GRM7: variants seen among roughly 807,000 people sequenced by gnomAD.
GRM7 encodes glutamate metabotropic receptor 7.
GRM7 carries 35 observed loss-of-function variants against 84.5 expected under a neutral mutation model. That is an observed-to-expected ratio of 0.41 (90% CI 0.32 to 0.55). GRM7 has a LOEUF of 0.55. Ranked by LOEUF, GRM7 falls within the 20% of genes least tolerant of loss-of-function variation. The probability of loss-of-function intolerance (pLI) is 0.19; values close to 1 mark genes in which losing one functional copy is unlikely to be tolerated. For synonymous variants in GRM7, 487 were observed against 455.1 expected (o/e 1.07, Z -0.89); for missense variants, 1,003 against 1,194.6 (o/e 0.84, Z 2.36).
At chr3:7,489,320 C>G (rs1228323679) in intron 7 of GRM7, among the ~76,000 whole-genome samples, 2 of 152,160 alleles carry the variant, frequency 1.3e-5, no homozygotes, top group East Asian at 3.9e-4. Flanking sequence ...ACTGATATCA[C>G]CATATGTTGA....
intron 2 of GRM7, among the ~76,000 whole-genome samples, chr3:7,289,929 G>T (rs541794471): frequency 1.3e-4 from 20 of 151,846 alleles, no homozygotes; most frequent in African/African-American, 4.3e-4. Flanking sequence ...AATGGGTGCA[G>T]CACACCAACA....
chr3:7,084,965 C>T (rs1320814572), intron 1 of GRM7, among the ~76,000 whole-genome samples: 1 of 152,068 alleles, frequency 6.6e-6, no homozygotes, highest in East Asian at 1.9e-4. Flanking sequence ...TTTTAATGAG[C>T]CCAGAAATTA....
rs565486161 is a variant in GRM7, at chr3:6,960,354, G to A, written c.519+98447G>A. The stretch of plus-strand genomic sequence containing the variant: ...ATGACATCACTTTAGCACCTTTGAA[G>A]CCCACTAATCAATGTATATAACCAA... On this transcript the variant is annotated intron_variant, in intron 1 of 9. Coordinates refer to ENST00000357716, the MANE Select transcript of GRM7 (RefSeq NM_000844.4). 7.2e-5 allele frequency among the ~76,000 whole-genome samples: 11 copies of A among 152,180 alleles called. No homozygotes were observed. The East Asian group carries it at 1.9e-3, about 27-fold the overall frequency.
At chr3:7,489,953 T>C (rs1364987700) in intron 7 of GRM7, among the ~76,000 whole-genome samples, 4 of 151,772 alleles carry the variant, frequency 2.6e-5, no homozygotes, top group African/African-American at 9.7e-5. Context: ...TACTCCATAT[T>C]ATTAATTAAA....
intron 8 of GRM7, among the ~76,000 whole-genome samples, chr3:7,615,363 ACTTAT>A (rs2125083283): frequency 6.6e-6 from 1 of 151,666 alleles, no homozygotes; most frequent in Non-Finnish European, 1.5e-5. Flanking sequence ...AAAATGGCTT[ACTTAT>A]TTTTCCCTTA....
intron 2 of GRM7, among the ~76,000 whole-genome samples, chr3:7,185,583 C>T (rs1191205909): frequency 1.3e-5 from 2 of 152,088 alleles, no homozygotes; most frequent in Admixed American, 6.6e-5. Context: ...TAGTGATGTT[C>T]AATATTAGAT....
At chr3:7,681,108 G>A (rs1444177007) in intron 9 of GRM7, 1 of 152,128 alleles carries the variant, frequency 6.6e-6, no homozygotes, top group Non-Finnish European at 1.5e-5. Flanking sequence ...ACAATATGGT[G>A]GTAAGAGTAA....
intron 4 of GRM7, among the ~76,000 whole-genome samples, chr3:7,332,581 G>C (rs1701249751): frequency 6.6e-6 from 1 of 152,106 alleles, no homozygotes; most frequent in African/African-American, 2.4e-5. Flanking sequence ...TTGAGTTAAA[G>C]ACATGTTTCT....
chr3:7,194,360 A>G (rs1264629008), intron 2 of GRM7, among the ~76,000 whole-genome samples: 1 of 152,194 alleles, frequency 6.6e-6, no homozygotes, highest in African/African-American at 2.4e-5. Flanking sequence ...GGTGAAGCAT[A>G]CAGTGTGTTA....
chr3:6,932,313 G>T (rs1444157738), intron 1 of GRM7, among the ~76,000 whole-genome samples: 1 of 152,066 alleles, frequency 6.6e-6, no homozygotes, highest in East Asian at 1.9e-4. Context: ...ATCCTGCTTT[G>T]TACTTGATAT....
chr3:7,704,700 A>T (rs1365484110), intron 9 of GRM7, among the ~76,000 whole-genome samples: 1 of 152,188 alleles, frequency 6.6e-6, no homozygotes, highest in South Asian at 2.1e-4. Flanking sequence ...ATATACGTGA[A>T]CACAAATATA....
chr3:7,061,128 C>T (rs1361261878), intron 1 of GRM7, among the ~76,000 whole-genome samples: 4 of 151,698 alleles, frequency 2.6e-5, no homozygotes, highest in Non-Finnish European at 5.9e-5. Context: ...GACCATACTC[C>T]TTGTGTTAAG....
At chr3:7,082,908 A>G (rs1256840167) in intron 1 of GRM7, among the ~76,000 whole-genome samples, 1 of 152,164 alleles carries the variant, frequency 6.6e-6, no homozygotes, top group Non-Finnish European at 1.5e-5. Flanking sequence ...CTCATAATAA[A>G]CTTGAATGAA....
At chr3:7,724,002 G>A (rs1219142940) in intron 9 of GRM7, among the ~76,000 whole-genome samples, 1 of 152,062 alleles carries the variant, frequency 6.6e-6, no homozygotes, top group African/African-American at 2.4e-5. Context: ...TCAAAGCAAC[G>A]GACTGGCAGT....
At chr3:7,194,452 A>T (rs1454454214) in intron 2 of GRM7, among the ~76,000 whole-genome samples, 1 of 152,184 alleles carries the variant, frequency 6.6e-6, no homozygotes, top group Non-Finnish European at 1.5e-5. Flanking sequence ...CAAATATCCT[A>T]TTCCTCCTAC....
intron 7 of GRM7, among the ~76,000 whole-genome samples, chr3:7,531,648 G>T (rs1220766552): frequency 1.3e-5 from 2 of 152,102 alleles, no homozygotes; most frequent in Non-Finnish European, 1.5e-5. Flanking sequence ...TTTGCATATT[G>T]ATTTTTTATC....
At chr3:6,997,984 T>C (rs1243591694) in intron 1 of GRM7, among the ~76,000 whole-genome samples, 5 of 151,334 alleles carry the variant, frequency 3.3e-5, no homozygotes, top group Admixed American at 1.3e-4. Context: ...CTGGGTGTGG[T>C]GGCCTGCACC....
At chr3:6,921,768 A>C (rs1287223071) in intron 1 of GRM7, among the ~76,000 whole-genome samples, 1 of 152,144 alleles carries the variant, frequency 6.6e-6, no homozygotes, top group Non-Finnish European at 1.5e-5. Context: ...TTATTTGTTA[A>C]AAGTGAGCTT....
At position 6,874,296 on chromosome 3, in the gene GRM7, T is replaced by C. The variant is rs78661680; in HGVS notation, c.519+12389T>C. 6.9e-4 allele frequency among the ~76,000 whole-genome samples: 105 copies of C among 152,312 alleles called. No homozygotes were observed. In the East Asian group the frequency reaches 0.017, roughly 25 times the overall value. ...CTCCGAGATCCTTCCTTTTCTTAAA[T>C]TGCACATGATCTTTGGGACAACCAG... On this transcript the variant is annotated intron_variant, in intron 1 of 9. Coordinates refer to ENST00000357716, the MANE Select transcript of GRM7 (RefSeq NM_000844.4).
Sources: allele counts gnomAD v4.1 joint callset (sites outside exome capture counted in the v4.1 genomes callset), GRCh38; gene constraint gnomAD v4.1.1; transcripts MANE v1.5; gene names NCBI Gene and HGNC (gene_info 2026-07-23, HGNC 2026-07-21).